The following SEPTIN2 variants were observed in gnomAD, a reference collection of about 807,000 sequenced individuals.
The protein encoded by SEPTIN2 is septin-2.
Under a neutral mutation model 46.5 loss-of-function variants are expected in SEPTIN2, and 34 were observed. That is an observed-to-expected ratio of 0.73 (90% CI 0.56 to 0.97). The LOEUF (loss-of-function observed/expected upper bound fraction) is 0.97, where lower values mean the gene tolerates loss of function less well. SEPTIN2 is among the 50% of genes least tolerant of loss of function. The pLI is 0.00. For synonymous variants in SEPTIN2, 175 were observed against 153.4 expected, an observed-to-expected ratio of 1.14 and a Z score of -1.04; for missense variants, 347 against 448.4, an observed-to-expected ratio of 0.77 and a Z score of 2.04.
rs376110460 is a variant in SEPTIN2 at position 241,353,639 on chromosome 2, G to A, written c.*1702G>A. On this transcript the variant is annotated 3_prime_UTR_variant, in exon 13 of 13. Transcript: ENST00000391971. ...TGGCTTATTGTGTGAAGGTAACTAA[G>A]AAGTGGTGTTCCATGACTTCAGAGT... The A allele has an allele frequency of 2.0e-5, 3 of 152,508 alleles. No homozygotes were observed. The highest frequency in any genetic ancestry group is 4.8e-5 in the African/African-American group (2 of 41,446). The allele number at this position is 152,508 out of a possible 1,614,324, so 9.4% of individuals were successfully genotyped here. A position where few individuals can be genotyped will look rare whatever the true frequency, so the allele number is the denominator to read the frequency against.
chr2:241,334,373 AT>A (rs1219872014), intron 3 of SEPTIN2, among the ~76,000 whole-genome samples: 13 of 152,188 alleles, frequency 8.5e-5, no homozygotes, highest in Admixed American at 8.5e-4. Context: ...GTAAAATTTA[AT>A]TTTTGGTATT....
At position 241,335,164 on chromosome 2, in the gene SEPTIN2, C is replaced by G; in HGVS notation, c.169C>G (p.Leu57Val). ...AGGAAAATCGACTCTCATAAACAGCCTATTCCTAACTGATCTGTACCCAGA... is the reference window on the plus strand; with the variant it reads ...AGGAAAATCGACTCTCATAAACAGCGTATTCCTAACTGATCTGTACCCAGA... ...GLGKSTLINS[L>V]FLTDLYPERV... Residue 57 changes from leucine (L) to valine (V), a missense_variant, in exon 4 of 13, where the codon CTA becomes GTA. Physicochemically the swap from Leu to Val is conservative, Grantham distance 32. Coordinates refer to ENST00000391971, the MANE Select transcript of SEPTIN2 (RefSeq NM_004404.5). 6.2e-7 allele frequency: 1 copy of G among 1,613,830 alleles called. No individual in the cohort carries two copies. The highest frequency in any genetic ancestry group is 8.5e-7 in the Non-Finnish European group (1 of 1,179,826).
intron 1 of SEPTIN2, chr2:241,318,482 T>G (rs1280003111): frequency 6.6e-6 from 1 of 152,156 alleles, no homozygotes; most frequent in East Asian, 1.9e-4. Context: ...AATAACATAC[T>G]CATTTGGGGA....
At chr2:241,330,061 G>A (rs2078736806) in intron 3 of SEPTIN2, among the ~76,000 whole-genome samples, 1 of 152,160 alleles carries the variant, frequency 6.6e-6, no homozygotes, top group Admixed American at 6.5e-5. Context: ...CTAATTAGAC[G>A]GGGAGTAAAG....
At chr2:241,324,170 C>T in intron 1 of SEPTIN2, 46 bp from the exon 2 acceptor site, 1 of 1,541,468 alleles carries the variant, frequency 6.5e-7, no homozygotes, top group Middle Eastern at 1.7e-4. Flanking sequence ...TACATACATA[C>T]TATGTATGTG....
Position 241,335,152 on chromosome 2 carries a change from C to G in SEPTIN2, c.157C>G (p.Leu53Val). The change falls in exon 4 of 13, where the codon CTC (leucine) becomes GTC (valine). Residue 53 changes from leucine to valine, a missense_variant. Leu to Val is a conservative substitution (Grantham distance 32). Transcript: ENST00000391971. The part of the protein sequence containing the change: ...VGESGLGKST[L>V]INSLFLTDLY... ...TGAATCAGGTCTAGGAAAATCGACT[C>G]TCATAAACAGCCTATTCCTAACTGA... The G allele has an allele frequency of 1.2e-6, 2 of 1,613,732 alleles. No homozygotes were observed. The highest frequency in any genetic ancestry group is 1.3e-5 in the African/African-American group (1 of 75,048).
chr2:241,331,700 T>C (rs1230880279), intron 3 of SEPTIN2, among the ~76,000 whole-genome samples: 1 of 152,192 alleles, frequency 6.6e-6, no homozygotes, highest in Non-Finnish European at 1.5e-5. Flanking sequence ...AGCTCCAACT[T>C]TCAGAAATAA....
intron 7 of SEPTIN2, among the ~76,000 whole-genome samples, chr2:241,340,150 C>T (rs530456212): frequency 7.9e-5 from 12 of 152,328 alleles, no homozygotes; most frequent in African/African-American, 2.9e-4. Flanking sequence ...TCTCCACCCC[C>T]TAAAACTGTC....
chr2:241,343,724 C>T (rs1171302434), intron 8 of SEPTIN2, 28 bp from the exon 9 acceptor site: 1 of 1,613,188 alleles, frequency 6.2e-7, no homozygotes, highest in African/African-American at 1.3e-5. Flanking sequence ...CTGTGTGGAG[C>T]CTGTCTACTC....
At chr2:241,320,251 G>A (rs542615477) in intron 1 of SEPTIN2, 1 of 471,174 alleles carries the variant, frequency 2.1e-6, no homozygotes. Flanking sequence ...GTTAGATGGA[G>A]TTCAACTCTA....
chr2:241,317,306 T>C (rs1256553318), intron 1 of SEPTIN2, among the ~76,000 whole-genome samples: 1 of 152,206 alleles, frequency 6.6e-6, no homozygotes, highest in African/African-American at 2.4e-5. Flanking sequence ...TCCTGATTTT[T>C]TTTCCTCAAC....
At chr2:241,345,219 T>G (rs1170459256) in intron 9 of SEPTIN2, among the ~76,000 whole-genome samples, 1 of 152,240 alleles carries the variant, frequency 6.6e-6, no homozygotes, top group Non-Finnish European at 1.5e-5. Flanking sequence ...GTGTTTTGAT[T>G]AGCTGAAAGT....
intron 3 of SEPTIN2, 41 bp downstream of exon 3, chr2:241,326,154 A>G (rs1416545238): frequency 2.5e-6 from 4 of 1,574,586 alleles, no homozygotes; most frequent in Non-Finnish European, 3.5e-6. Flanking sequence ...CTAAATAAAT[A>G]TCTCCCCTTT....
rs1171344497 is a variant in SEPTIN2, at chr2:241,325,984, C to A, written c.10-9C>A. 1 of 1,607,064 alleles carries A rather than the reference C, an allele frequency of 6.2e-7. No individual in the cohort carries two copies. Among genetic ancestry groups the A allele is most frequent in the African/African-American group, 1.3e-5 (1 of 74,390 alleles). ...TTTATTAGTTTGTTTGTTTTTTAAT[C>A]TTATTTAGCAACAGCCAACTCAGTT... On this transcript the variant is annotated splice_polypyrimidine_tract_variant and intron_variant, in intron 2 of 12. Coordinates refer to ENST00000391971, the MANE Select transcript of SEPTIN2 (RefSeq NM_004404.5).
chr2:241,337,713 A>C lies in SEPTIN2; in HGVS notation c.517A>C (p.Asn173His). The C allele has an allele frequency of 6.2e-7, 1 of 1,614,118 alleles. No individual in the cohort carries two copies. The highest frequency in any genetic ancestry group is 8.5e-7 in the Non-Finnish European group (1 of 1,180,006). The stretch of plus-strand genomic sequence containing the variant: ...TGTGGCGTTTATGAAGGCAATACAC[A>C]ACAAGGTGAATATTGTGCCTGTCAT... ...LDVAFMKAIH[N>H]KVNIVPVIAK... is the part of the protein sequence containing the mutation. The change falls in exon 7 of 13, where the codon AAC (asparagine) becomes CAC (histidine). Residue 173 changes from asparagine to histidine, a missense_variant. Physicochemically the swap from Asn to His is moderately conservative, Grantham distance 68. Coordinates refer to ENST00000391971, the MANE Select transcript of SEPTIN2 (RefSeq NM_004404.5).
intron 9 of SEPTIN2, among the ~76,000 whole-genome samples, chr2:241,344,774 A>G (rs1404747554): frequency 6.6e-6 from 1 of 152,176 alleles, no homozygotes; most frequent in Non-Finnish European, 1.5e-5. Flanking sequence ...CTCTTGAAAA[A>G]AGAGGCTGAG....
rs948255491 is a variant in SEPTIN2 at position 241,324,223 on chromosome 2, T to C, written c.-10T>C. 2 of 1,610,952 alleles carry C rather than the reference T, an allele frequency of 1.2e-6. No homozygotes were observed. Among genetic ancestry groups the C allele is most frequent in the Non-Finnish European group, 1.7e-6 (2 of 1,179,120 alleles). The stretch of plus-strand genomic sequence containing the variant: ...GTGTTTTTTTTTTAACAGACGAAGC[T>C]TCACAAAAGATGTCTAAGGTAAGAT... On this transcript the variant is annotated 5_prime_UTR_variant, in exon 2 of 13. Coordinates refer to ENST00000391971, the MANE Select transcript of SEPTIN2 (RefSeq NM_004404.5).
intron 6 of SEPTIN2, 39 bp downstream of exon 6, chr2:241,337,555 TGGGTTTGTA>T (rs774841185): frequency 6.2e-7 from 1 of 1,607,638 alleles, no homozygotes; most frequent in East Asian, 2.2e-5. Flanking sequence ...CTTTACTACA[TGGGTTTGTA>T]AGTTTTACCC....
intron 3 of SEPTIN2, among the ~76,000 whole-genome samples, chr2:241,327,358 C>A: frequency 6.6e-6 from 1 of 150,970 alleles, no homozygotes; most frequent in African/African-American, 2.4e-5. Context: ...AGCCTGACAG[C>A]ACATTATACA....
Sources: allele counts gnomAD v4.1 joint callset (sites outside exome capture counted in the v4.1 genomes callset), GRCh38; gene constraint gnomAD v4.1.1; transcripts MANE v1.5; gene names NCBI Gene and HGNC (gene_info 2026-07-23, HGNC 2026-07-21).